AGBL4: variants seen among roughly 807,000 people sequenced by gnomAD.
The protein encoded by AGBL4 is AGBL carboxypeptidase 4.
A neutral mutation model predicts 66.4 loss-of-function variants in AGBL4; 58 were observed. The observed-to-expected ratio is 0.87, with a 90% confidence interval of 0.71 to 1.09. The LOEUF (loss-of-function observed/expected upper bound fraction) is 1.09. Ranked by LOEUF, AGBL4 falls within the 50% of genes least tolerant of loss-of-function variation. AGBL4 has a pLI of 0.00. For missense variants in AGBL4, 579 were observed against 631.0 expected, an observed-to-expected ratio of 0.92 and a Z score of 0.88; for synonymous variants, 234 against 222.9, an observed-to-expected ratio of 1.05 and a Z score of -0.44.
intron 4 of AGBL4, among the ~76,000 whole-genome samples, chr1:49,087,196 C>T (rs150238790): frequency 6.6e-6 from 1 of 152,234 alleles, no homozygotes; most frequent in East Asian, 1.9e-4. Context: ...TCTTACCTCC[C>T]AACAACTGCA....
intron 1 of AGBL4, among the ~76,000 whole-genome samples, chr1:49,997,115 T>G (rs1660425909): frequency 6.6e-6 from 1 of 151,898 alleles, no homozygotes; most frequent in Non-Finnish European, 1.5e-5. Context: ...AAAGCATAAA[T>G]CTCACAGGAC....
Position 49,091,939 on chromosome 1 carries a change from AACCAAAC to A in AGBL4, c.378-46146_378-46140del, listed in dbSNP as rs1645011616. 3.3e-5 allele frequency among the ~76,000 whole-genome samples: 5 copies of A among 152,242 alleles called. No individual in the cohort carries two copies. In the South Asian group the frequency reaches 1.0e-3, roughly 32 times the overall value. On this transcript the variant is annotated intron_variant, in intron 4 of 13. Transcript: ENST00000371839. ...ATGAAGAAATAACATAGGAACAGAA[AACCAAAC>A]ACCACATGTCCTCATTTATAAGTGG...
chr1:49,432,360 A>T (rs186826647), intron 3 of AGBL4, among the ~76,000 whole-genome samples: 1 of 152,226 alleles, frequency 6.6e-6, no homozygotes, highest in East Asian at 1.9e-4. Context: ...TTCTTCTTGG[A>T]ATTTCCAATT....
intron 6 of AGBL4, among the ~76,000 whole-genome samples, chr1:48,709,940 A>G (rs1021399737): frequency 6.6e-6 from 1 of 152,120 alleles, no homozygotes; most frequent in Non-Finnish European, 1.5e-5. Context: ...TAATTAACCA[A>G]TTGAATCTTT....
At chr1:48,849,896 C>G (rs1214107396) in intron 6 of AGBL4, among the ~76,000 whole-genome samples, 1 of 152,038 alleles carries the variant, frequency 6.6e-6, no homozygotes, top group African/African-American at 2.4e-5. Context: ...TCGCTGGAAC[C>G]GGGGAGGCAG....
intron 3 of AGBL4, among the ~76,000 whole-genome samples, chr1:49,562,662 G>A (rs1392836836): frequency 1.3e-5 from 2 of 151,980 alleles, no homozygotes; most frequent in South Asian, 2.1e-4. Context: ...TGTTCCATTG[G>A]TCTATATCTC....
intron 1 of AGBL4, among the ~76,000 whole-genome samples, chr1:49,872,806 C>A (rs575625210): frequency 1.3e-5 from 2 of 151,938 alleles, no homozygotes; most frequent in Non-Finnish European, 1.5e-5. Context: ...TTGTCTTTAA[C>A]AAAATTGGAG....
At chr1:49,118,834 T>G (rs1287103313) in intron 4 of AGBL4, among the ~76,000 whole-genome samples, 1 of 152,206 alleles carries the variant, frequency 6.6e-6, no homozygotes, top group Non-Finnish European at 1.5e-5. Context: ...TCCTGGACTT[T>G]TTTTGGTTGG....
At chr1:49,248,034 T>C (rs1371612134) in intron 3 of AGBL4, among the ~76,000 whole-genome samples, 3 of 152,170 alleles carry the variant, frequency 2.0e-5, no homozygotes, top group African/African-American at 7.2e-5. Flanking sequence ...CCTGTTCAAG[T>C]ATTTTTTATG....
At chr1:49,482,174 C>T (rs962387551) in intron 3 of AGBL4, among the ~76,000 whole-genome samples, 4 of 151,908 alleles carry the variant, frequency 2.6e-5, no homozygotes, top group Non-Finnish European at 2.9e-5. Context: ...CCTTCCTTTT[C>T]GATTTTTTGA....
chr1:49,432,900 A>G (rs776525630), intron 3 of AGBL4, among the ~76,000 whole-genome samples: 12 of 152,220 alleles, frequency 7.9e-5, no homozygotes, highest in Admixed American at 1.3e-4. Flanking sequence ...GGGTTGGGAC[A>G]TTCAGTTGCA....
chr1:49,362,551 C>T (rs545441173), intron 3 of AGBL4, among the ~76,000 whole-genome samples: 8 of 151,816 alleles, frequency 5.3e-5, no homozygotes, highest in Non-Finnish European at 7.4e-5. Context: ...AAACTTCAGC[C>T]GAGGGAGTAA....
At chr1:49,335,536 G>A (rs1223593750) in intron 3 of AGBL4, among the ~76,000 whole-genome samples, 1 of 149,598 alleles carries the variant, frequency 6.7e-6, no homozygotes, top group African/African-American at 2.5e-5. Flanking sequence ...TTTTTTTTGA[G>A]ATGGAGTCTC....
intron 5 of AGBL4, among the ~76,000 whole-genome samples, chr1:48,955,752 T>A (rs1421009704): frequency 6.6e-6 from 1 of 152,216 alleles, no homozygotes; most frequent in Non-Finnish European, 1.5e-5. Flanking sequence ...CAGATTTAAA[T>A]TTCGGATTTG....
intron 3 of AGBL4, among the ~76,000 whole-genome samples, chr1:49,529,412 G>A (rs1158368473): frequency 2.0e-5 from 3 of 152,136 alleles, no homozygotes; most frequent in Non-Finnish European, 4.4e-5. Flanking sequence ...AGGCATGGTG[G>A]CTTATGCCAG....
chr1:49,821,866 A>C (rs1405058558), intron 2 of AGBL4, among the ~76,000 whole-genome samples: 1 of 152,230 alleles, frequency 6.6e-6, no homozygotes, highest in Non-Finnish European at 1.5e-5. Flanking sequence ...AATAGAATAC[A>C]TAAATGTGGG....
intron 4 of AGBL4, among the ~76,000 whole-genome samples, chr1:49,217,454 T>C (rs2148269359): frequency 6.6e-6 from 1 of 152,314 alleles, no homozygotes; most frequent in Admixed American, 6.5e-5. Context: ...CAAGATTCAA[T>C]TTCTTTTTGA....
At chr1:49,319,828 C>T (rs561373071) in intron 3 of AGBL4, among the ~76,000 whole-genome samples, 1 of 152,294 alleles carries the variant, frequency 6.6e-6, no homozygotes, top group African/African-American at 2.4e-5. Context: ...TTCATCCTTC[C>T]ATAAGGGCAC....
intron 3 of AGBL4, among the ~76,000 whole-genome samples, chr1:49,557,432 T>G (rs1277797666): frequency 6.6e-6 from 1 of 152,026 alleles, no homozygotes; most frequent in Non-Finnish European, 1.5e-5. Flanking sequence ...CCCCACAACC[T>G]GGCAGCAGCA....
Sources: gnomAD v4.1 joint callset for allele counts (sites outside exome capture counted in the v4.1 genomes callset) on GRCh38, gnomAD v4.1.1 for gene constraint, MANE v1.5 for transcripts, NCBI Gene and HGNC (gene_info 2026-07-23, HGNC 2026-07-21) for gene names.